SBNO2: variants seen among roughly 807,000 people sequenced by gnomAD.
The protein encoded by SBNO2 is protein strawberry notch homolog 2.
In SBNO2, 89 loss-of-function variants were observed where a neutral mutation model predicts 146.3. The observed-to-expected ratio is 0.61, with a 90% CI of 0.51 to 0.73. The LOEUF (loss-of-function observed/expected upper bound fraction) is 0.73. Among genes scored for constraint, SBNO2 ranks in the 30% least tolerant of loss-of-function variants. The pLI, the probability that SBNO2 is intolerant of heterozygous loss-of-function variation, is 0.00. For missense variants in SBNO2, 2,092 were observed against 2,003.7 expected (o/e 1.04, Z -0.84); for synonymous variants, 1,147 against 892.6 (o/e 1.29, Z -5.08).
rs532728366 is a variant in SBNO2 at position 1,126,531 on chromosome 19, A to G, written c.441+1073T>C. Among the ~76,000 whole-genome samples, 78 of 151,776 alleles carry G rather than the reference A, an allele frequency of 5.1e-4. No homozygotes were observed. Among genetic ancestry groups the G allele is most frequent in the African/African-American group, 1.6e-3 (65 of 41,368 alleles). On this transcript the variant is annotated intron_variant, in intron 5 of 31. Transcript: ENST00000361757. The surrounding 1 kb of genome is among the most constrained non-coding windows in gnomAD (Gnocchi z 4.4). ...AGGGACCAAGCCTGAGCCGCCCACCATGGCTGCGGGGTGCCCTGATGCTTC... is the reference window on the plus strand; with the variant it reads ...AGGGACCAAGCCTGAGCCGCCCACCGTGGCTGCGGGGTGCCCTGATGCTTC...
chr19:1,131,972 C>T (rs569284410), intron 4 of SBNO2: 4 of 663,482 alleles, frequency 6.0e-6, no homozygotes, highest in Non-Finnish European at 9.4e-6. Flanking sequence ...CTGGCGGCCT[C>T]GGACTCTAGG....
At position 1,112,932 on chromosome 19, in the gene SBNO2, G is replaced by A. The variant is rs1303646576; in HGVS notation, c.2265C>T (p.Gly755=). Residue 755 remains glycine (G), a synonymous_variant, in exon 20 of 32, where the codon GGC becomes GGT. Coordinates refer to ENST00000361757, the MANE Select transcript of SBNO2 (RefSeq NM_014963.3). The surrounding 1 kb of genome is among the most constrained non-coding windows in gnomAD (Gnocchi z 5.9). ...TCCCGTCGGGCCTGGACACCACGCG[G>A]CCTTTCCTGCCGGTCATCTGCAGCC... ...QRVAEMTGRK[G]RVVSRPDGTV... is the part of the protein sequence containing the mutation. 11 of 1,563,222 alleles carry A rather than the reference G, an allele frequency of 7.0e-6. No individual in the cohort carries two copies. The highest frequency in any genetic ancestry group is 2.4e-5 in the East Asian group (1 of 41,812).
intron 1 of SBNO2, among the ~76,000 whole-genome samples, chr19:1,166,359 T>A (rs2080424949): frequency 6.6e-6 from 1 of 152,192 alleles, no homozygotes; most frequent in African/African-American, 2.4e-5. Context: ...AGGGTCCCCA[T>A]GCTCCGAGCG....
chr19:1,164,413 G>GGAT (rs2080382433), intron 1 of SBNO2, among the ~76,000 whole-genome samples: 1 of 99,340 alleles, frequency 1.0e-5, no homozygotes, highest in Non-Finnish European at 2.2e-5. Flanking sequence ...AGGAGGAGGA[G>GGAT]GAGGAACAGG....
intron 17 of SBNO2, chr19:1,115,752 G>A (rs1007015991): frequency 2.2e-5 from 12 of 552,590 alleles, no homozygotes; most frequent in East Asian, 3.2e-5. Flanking sequence ...CTCAGCACCC[G>A]CGTCCGTGTC....
chr19:1,171,790 C>T (rs1173253095), intron 1 of SBNO2, among the ~76,000 whole-genome samples: 2 of 152,166 alleles, frequency 1.3e-5, no homozygotes, highest in Non-Finnish European at 2.9e-5. Context: ...GTGGCTGGCG[C>T]AACCTCTCTC....
At chr19:1,115,229 A>G (rs2079816833) in intron 17 of SBNO2, 1 of 149,518 alleles carries the variant, frequency 6.7e-6, no homozygotes, top group East Asian at 2.0e-4. Flanking sequence ...CACTGCACCT[A>G]GCCAATATTT....
chr19:1,119,751 C>A, intron 12 of SBNO2, 130 bp from the exon 13 acceptor site: 1 of 984,774 alleles, frequency 1.0e-6, no homozygotes, highest in Non-Finnish European at 1.5e-6. Flanking sequence ...AGAGAGCCAG[C>A]GTGGCCTTGG....
chr19:1,122,611 C>CCGGA, intron 9 of SBNO2, 47 bp downstream of exon 9: 1 of 677,318 alleles, frequency 1.5e-6, no homozygotes, highest in Non-Finnish European at 2.1e-6. Context: ...CCCCCCGCTT[C>CCGGA]CGCCCCCCAC....
chr19:1,119,639 C>T lies in SBNO2; in HGVS notation c.1268-18G>A, dbSNP rs1465339995. The T allele has an allele frequency of 9.5e-6, 15 of 1,585,882 alleles. No homozygotes were observed. Among genetic ancestry groups the T allele is most frequent in the African/African-American group, 5.4e-5 (4 of 74,324 alleles). ...AGAGGCACCTGTGGGGGGAAGCTGC[C>T]GTCAGCTCCCCAACCCGGGAGGGCC... On this transcript the variant is annotated intron_variant, in intron 12 of 31. Coordinates refer to ENST00000361757, the MANE Select transcript of SBNO2 (RefSeq NM_014963.3).
In SBNO2 at chr19:1,150,502, G is replaced by A. The variant is rs894861226; in HGVS notation, c.94-1060C>T. Among the ~76,000 whole-genome samples the A allele has an allele frequency of 4.6e-5, 7 of 151,736 alleles. No individual in the cohort carries two copies. Among genetic ancestry groups the A allele is most frequent in the African/African-American group, 1.7e-4 (7 of 41,316 alleles). On this transcript the variant is annotated intron_variant, in intron 2 of 31. Transcript: ENST00000361757. The surrounding 1 kb of genome is among the most constrained non-coding windows in gnomAD (Gnocchi z 6.2). ...CGGATGCCCCCACGGTCACGGGGGA[G>A]ACCCTGCCGTCACGGACGCCCCCAC...
Position 1,126,214 on chromosome 19 carries a change from A to G in SBNO2, c.441+1390T>C, listed in dbSNP as rs2079963880. ...TAGGAACACTCCTGAGGGTTTTTAA[A>G]GAAAGTGGAAGCGTGGCACAGGAAG... On this transcript the variant is annotated intron_variant, in intron 5 of 31. Transcript: ENST00000361757. This position sits in a 1 kb window ranked among gnomAD's most constrained non-coding sequence, Gnocchi z 4.4. 6.6e-6 allele frequency among the ~76,000 whole-genome samples: 1 copy of G among 152,154 alleles called. No homozygotes were observed. The highest frequency in any genetic ancestry group is 1.5e-5 in the Non-Finnish European group (1 of 68,036).
Position 1,109,260 on chromosome 19 carries a change from C to T in SBNO2, c.3348+32G>A. The stretch of plus-strand genomic sequence containing the variant: ...CCTGGGCGGGGTCAGGGCCGGCAAC[C>T]CGAGCGAAAGCTGCGCCCGGCGGCC... On this transcript the variant is annotated intron_variant, in intron 29 of 31. Transcript: ENST00000361757. The surrounding 1 kb of genome is among the most constrained non-coding windows in gnomAD (Gnocchi z 4.2). 1 of 1,580,504 alleles carries T rather than the reference C, an allele frequency of 6.3e-7. No homozygotes were observed. Among genetic ancestry groups the T allele is most frequent in the South Asian group, 1.1e-5 (1 of 87,008 alleles).
Position 1,144,407 on chromosome 19 carries a change from G to A in SBNO2, c.279+2902C>T, listed in dbSNP as rs1413918750. ...GAGGCGGCTGTAGGCAGGGTGGGCA[G>A]GGAGCCGGGCGGGCGGTGCTCACAG... is the stretch of plus-strand genomic sequence containing the variant. On this transcript the variant is annotated intron_variant, in intron 4 of 31. Transcript: ENST00000361757. This position sits in a 1 kb window ranked among gnomAD's most constrained non-coding sequence, Gnocchi z 4.1. 6.6e-6 allele frequency among the ~76,000 whole-genome samples: 1 copy of A among 152,208 alleles called. No homozygotes were observed. Among genetic ancestry groups the A allele is most frequent in the Non-Finnish European group, 1.5e-5 (1 of 68,036 alleles).
At position 1,146,675 on chromosome 19, in the gene SBNO2, C is replaced by T. The variant is rs190967906; in HGVS notation, c.279+634G>A. ...GTGGCACTGGGTGCTCCAGAGCTGC[C>T]GAGAGGAAGCTGGGGCACTGGGAAC... On this transcript the variant is annotated intron_variant, in intron 4 of 31. Transcript: ENST00000361757. Among the ~76,000 whole-genome samples, 1,145 of 146,888 alleles carry T rather than the reference C, an allele frequency of 7.8e-3. 3 individuals are homozygous for T. Among genetic ancestry groups the T allele is most frequent in the Non-Finnish European group, 0.013 (844 of 66,948 alleles).
Position 1,112,219 on chromosome 19 carries a change from G to A in SBNO2, c.2598C>T (p.Ala866=), listed in dbSNP as rs1371723441. The A allele has an allele frequency of 1.3e-6, 2 of 1,589,934 alleles. No individual in the cohort carries two copies. Among genetic ancestry groups the A allele is most frequent in the East Asian group, 2.3e-5 (1 of 43,854 alleles). The change falls in exon 22 of 32, where the codon GCC becomes GCT. Residue 866 remains alanine, a synonymous_variant. Transcript: ENST00000361757. The surrounding 1 kb of genome is among the most constrained non-coding windows in gnomAD (Gnocchi z 5.9). ...ISELAGERRF[A]SIVAKRLESL... ...TCTCCAGGCGCTTGGCCACGATGGAGGCGAACCGGCGCTCCCCGGCCAGCT... is the reference window on the plus strand; with the variant it reads ...TCTCCAGGCGCTTGGCCACGATGGAAGCGAACCGGCGCTCCCCGGCCAGCT...
In SBNO2 at chr19:1,157,913, G is replaced by GCA. The variant is rs1230527579; in HGVS notation, c.-126-3512_-126-3511insTG. 2.1e-5 allele frequency among the ~76,000 whole-genome samples: 3 copies of GCA among 146,068 alleles called. No individual in the cohort carries two copies. Among genetic ancestry groups the GCA allele is most frequent in the Non-Finnish European group, 4.5e-5 (3 of 66,614 alleles). ...CTCTCTCTCCTGAGTCCGGATAACT[G>GCA]TCCGCCTCCCAGCTCTCTCCTGAGT... On this transcript the variant is annotated intron_variant, in intron 1 of 31. Coordinates refer to ENST00000361757, the MANE Select transcript of SBNO2 (RefSeq NM_014963.3). This position sits in a 1 kb window ranked among gnomAD's most constrained non-coding sequence, Gnocchi z 6.8.
Position 1,112,973 on chromosome 19 carries a change from C to T in SBNO2, c.2248-24G>A. 2 of 1,544,900 alleles carry T rather than the reference C, an allele frequency of 1.3e-6. No homozygotes were observed. The highest frequency in any genetic ancestry group is 1.2e-5 in the South Asian group (1 of 84,124). On this transcript the variant is annotated intron_variant, in intron 19 of 31. Coordinates refer to ENST00000361757, the MANE Select transcript of SBNO2 (RefSeq NM_014963.3). The surrounding 1 kb of genome is among the most constrained non-coding windows in gnomAD (Gnocchi z 5.9). ...ATCTGCAGCCGAGACAGGGACAAAA[C>T]CGGCCGTCAGTGTTGTGGCCTCGCA...
intron 1 of SBNO2, among the ~76,000 whole-genome samples, chr19:1,171,311 C>T (rs930675414): frequency 3.3e-5 from 5 of 151,926 alleles, no homozygotes; most frequent in East Asian, 1.9e-4. Context: ...CACGTGCGTA[C>T]GTACAATGCA....
Sources: gnomAD v4.1 joint callset for allele counts (sites outside exome capture counted in the v4.1 genomes callset) on GRCh38, gnomAD v4.1.1 for gene constraint, Gnocchi (gnomAD v3.1) non-coding constraint, MANE v1.5 for transcripts, NCBI Gene and HGNC (gene_info 2026-07-23, HGNC 2026-07-21) for gene names.